The following ERI1 variants were observed in gnomAD, a reference collection of about 807,000 sequenced individuals.
ERI1 encodes exoribonuclease 1, also known as 3'-5' exoribonuclease 1.
A neutral mutation model predicts 39.7 loss-of-function variants in ERI1; 39 were observed. The ratio of observed to expected loss-of-function variants is 0.98; its 90% CI spans 0.76 to 1.28. ERI1 has a LOEUF of 1.28. Among genes scored for constraint, ERI1 ranks in the 50% most tolerant of loss-of-function variants. The probability of loss-of-function intolerance (pLI) is 0.00; values close to 1 mark genes in which losing one functional copy is unlikely to be tolerated. For missense variants in ERI1, 581 were observed against 416.9 expected (o/e 1.39, Z -3.43); for synonymous variants, 204 against 149.6 (o/e 1.36, Z -2.65).
At chr8:9,038,868 G>C (rs1333692514) in intron 3 of ERI1, among the ~76,000 whole-genome samples, 2 of 152,146 alleles carry the variant, frequency 1.3e-5, no homozygotes, top group East Asian at 3.8e-4. Flanking sequence ...ATATGACATT[G>C]CTAGAATGAA....
At chr8:9,077,398 A>G (rs1799241399) in intron 3 of ERI1, among the ~76,000 whole-genome samples, 1 of 152,218 alleles carries the variant, frequency 6.6e-6, no homozygotes, top group Non-Finnish European at 1.5e-5. Context: ...GACAATAGAC[A>G]GGTTAACAGG....
chr8:9,074,695 A>G (rs1055017350), intron 3 of ERI1, among the ~76,000 whole-genome samples: 13 of 152,152 alleles, frequency 8.5e-5, no homozygotes, highest in African/African-American at 3.1e-4. Flanking sequence ...TGGGCTTCCA[A>G]AGTTGCTGGG....
At chr8:9,019,735 A>G (rs1229691772) in intron 5 of ERI1, among the ~76,000 whole-genome samples, 1 of 152,176 alleles carries the variant, frequency 6.6e-6, no homozygotes, top group Non-Finnish European at 1.5e-5. Flanking sequence ...AATACAAAGG[A>G]TTATATCCTG....
intron 2 of ERI1, among the ~76,000 whole-genome samples, chr8:9,010,065 G>C (rs756045141): frequency 6.6e-6 from 1 of 152,186 alleles, no homozygotes; most frequent in Non-Finnish European, 1.5e-5. Context: ...GGTAATGGAG[G>C]CATTTGCCAT....
chr8:9,048,702 T>C (rs2117366359), intron 3 of ERI1, among the ~76,000 whole-genome samples: 1 of 152,346 alleles, frequency 6.6e-6, no homozygotes, highest in South Asian at 2.1e-4. Context: ...TGGAGTGCAG[T>C]GGTGCAATCA....
intron 6 of ERI1, among the ~76,000 whole-genome samples, chr8:9,027,149 A>ATGTG (rs140641752): frequency 9.9e-4 from 140 of 141,770 alleles, no homozygotes; most frequent in African/African-American, 3.8e-3. Context: ...GTGTGTGTGT[A>ATGTG]TGTGTGTGTG....
At chr8:9,036,771 A>G (rs1216224552), downstream of ERI1, among the ~76,000 whole-genome samples, 1 of 152,188 alleles carries the variant, frequency 6.6e-6, no homozygotes, top group African/African-American at 2.4e-5. Flanking sequence ...GTGGCACACC[A>G]TCACTGGTGA....
At chr8:9,042,694 C>G (rs567943347) in intron 3 of ERI1, among the ~76,000 whole-genome samples, 2 of 152,304 alleles carry the variant, frequency 1.3e-5, no homozygotes, top group Admixed American at 6.5e-5. Flanking sequence ...GGAGGTAACA[C>G]AGGTTGAGCA....
At chr8:9,057,539 A>G (rs1798547591) in intron 3 of ERI1, among the ~76,000 whole-genome samples, 1 of 152,206 alleles carries the variant, frequency 6.6e-6, no homozygotes, top group African/African-American at 2.4e-5. Context: ...AGTGTTAGGC[A>G]TCTAGTCATT....
At chr8:9,080,787 TA>T (rs1342603624) in intron 3 of ERI1, among the ~76,000 whole-genome samples, 1 of 152,098 alleles carries the variant, frequency 6.6e-6, no homozygotes, top group African/African-American at 2.4e-5. Flanking sequence ...AACAAGCATT[TA>T]GTGCAGATAT....
chr8:9,084,312 C>A (rs1799460424), intron 3 of ERI1, among the ~76,000 whole-genome samples: 1 of 152,120 alleles, frequency 6.6e-6, no homozygotes. Flanking sequence ...TTGTCCATTC[C>A]AACTACATTA....
chr8:9,072,063 C>G (rs1049509437), intron 3 of ERI1, among the ~76,000 whole-genome samples: 1 of 152,180 alleles, frequency 6.6e-6, no homozygotes, highest in Non-Finnish European at 1.5e-5. Context: ...AAGACCCTGT[C>G]ACACACGTAC....
In ERI1 at chr8:9,007,989, T is replaced by A. The variant is rs1382629413; in HGVS notation, c.128T>A (p.Phe43Tyr). 1 of 1,588,026 alleles carries A rather than the reference T, an allele frequency of 6.3e-7. No individual in the cohort carries two copies. Among genetic ancestry groups the A allele is most frequent in the Non-Finnish European group, 8.5e-7 (1 of 1,173,466 alleles). ...TGGTAGGAAACTCAACAGTGTAAAT[T>A]TGATGGCCAGGAGACAAAAGGATCC... is the stretch of plus-strand genomic sequence containing the variant. The part of the protein sequence containing the change: ...PSPEETQQCK[F>Y]DGQETKGSKF... Residue 43 changes from phenylalanine (F) to tyrosine (Y), a missense_variant, in exon 2 of 7, where the codon TTT (phenylalanine) becomes TAT (tyrosine). Coordinates refer to ENST00000250263, the MANE Select transcript of ERI1 (RefSeq NM_153332.4).
chr8:9,099,836 A>T (rs998920967), intron 3 of ERI1: 20 of 152,130 alleles, frequency 1.3e-4, no homozygotes, highest in African/African-American at 4.8e-4. Flanking sequence ...TTATGGACAC[A>T]TGCTTTCATT....
chr8:9,032,096 C>G lies in ERI1; in HGVS notation c.*2062C>G, dbSNP rs922001692. 2.6e-5 allele frequency: 4 copies of G among 152,136 alleles called. No homozygotes were observed. Among genetic ancestry groups the G allele is most frequent in the African/African-American group, 9.7e-5 (4 of 41,424 alleles). 9.4% of individuals were successfully genotyped at this position (152,136 alleles called of 1,614,324 possible). ...AATTCCTCTGTTGAGTCTCTGTCCT[C>G]CCCTCCAATTTGATTTGGGATTTTG... On this transcript the variant is annotated 3_prime_UTR_variant, in exon 7 of 7. Transcript: ENST00000250263.
At chr8:9,013,559 C>T (rs1816903620) in intron 3 of ERI1, among the ~76,000 whole-genome samples, 1 of 152,046 alleles carries the variant, frequency 6.6e-6, no homozygotes, top group Non-Finnish European at 1.5e-5. Flanking sequence ...TGCTTACATC[C>T]TTTCGCTTGA....
In ERI1 at chr8:9,020,411, CCTT is replaced by C; in HGVS notation, c.755_757del (p.Pro252_Phe253delinsLeu). The stretch of plus-strand genomic sequence containing the variant: ...TCAACTCAGCAGGCTCAAATACCCT[CCTT>C]TTGCGAAAAAGTGGATCAATATTCG... On this transcript the variant is annotated inframe_deletion, in exon 6 of 7. Coordinates refer to ENST00000250263, the MANE Select transcript of ERI1 (RefSeq NM_153332.4). The C allele has an allele frequency of 6.2e-7, 1 of 1,607,840 alleles. No individual in the cohort carries two copies. Among genetic ancestry groups the C allele is most frequent in the Non-Finnish European group, 8.5e-7 (1 of 1,177,596 alleles).
At chr8:9,053,450 T>G (rs1407664428) in intron 3 of ERI1, among the ~76,000 whole-genome samples, 1 of 152,154 alleles carries the variant, frequency 6.6e-6, no homozygotes, top group East Asian at 1.9e-4. Context: ...AGAGAGGGAA[T>G]GGAAGCTCCA....
At chr8:9,013,741 G>T (rs375608666) in intron 3 of ERI1, among the ~76,000 whole-genome samples, 1 of 152,178 alleles carries the variant, frequency 6.6e-6, no homozygotes, top group South Asian at 2.1e-4. Context: ...TGTAGCCTGG[G>T]GGATGGCAGC....
Sources: allele counts gnomAD v4.1 joint callset (sites outside exome capture counted in the v4.1 genomes callset), GRCh38; gene constraint gnomAD v4.1.1; transcripts MANE v1.5; gene names NCBI Gene and HGNC (gene_info 2026-07-23, HGNC 2026-07-21).